Variants in PLCH2 observed in about 807,000 individuals in gnomAD.
PLCH2 encodes the protein 1-phosphatidylinositol 4,5-bisphosphate phosphodiesterase eta-2.
A neutral mutation model predicts 134.7 loss-of-function variants in PLCH2; 98 were observed. That is an observed-to-expected ratio of 0.73 (90% CI 0.62 to 0.86). The LOEUF is 0.86. PLCH2 is among the 40% of genes least tolerant of loss of function. The pLI is 0.00. For synonymous variants in PLCH2, 974 were observed against 827.5 expected (o/e 1.18, Z -3.04); for missense variants, 1,994 against 1,986.6 (o/e 1.00, Z -0.07).
At chr1:2,459,664 G>GGTGGTCTT (rs1557970532) in intron 2 of PLCH2, among the ~76,000 whole-genome samples, 4 of 19,978 alleles carry the variant, frequency 2.0e-4, no homozygotes, top group East Asian at 9.3e-4. Context: ...GGTCCTCCTT[G>GGTGGTCTT]CCTGTGGTCT....
chr1:2,446,288 C>T (rs932695794), intron 2 of PLCH2, among the ~76,000 whole-genome samples: 1 of 152,262 alleles, frequency 6.6e-6, no homozygotes, highest in Non-Finnish European at 1.5e-5. Flanking sequence ...GCACAAGTGG[C>T]CCTGGATTCT....
chr1:2,497,392 G>A, intron 15 of PLCH2, 110 bp from the exon 16 acceptor site: 1 of 732,312 alleles, frequency 1.4e-6, no homozygotes, highest in Non-Finnish European at 2.4e-6. Context: ...GGGGCAGACG[G>A]CAGATACGCG....
chr1:2,450,165 C>T (rs1211703168), intron 2 of PLCH2, among the ~76,000 whole-genome samples: 1 of 152,204 alleles, frequency 6.6e-6, no homozygotes, highest in Non-Finnish European at 1.5e-5. Flanking sequence ...TTGCTGTCCC[C>T]TTCTTGGCTG....
At chr1:2,447,279 GCT>G (rs1639986418) in intron 2 of PLCH2, among the ~76,000 whole-genome samples, 2 of 152,150 alleles carry the variant, frequency 1.3e-5, no homozygotes, top group Admixed American at 1.3e-4. Context: ...AGGCCCATTT[GCT>G]CACCTCACCC....
chr1:2,443,846 AGCCCGAGCCCGAGCCCGGCCGCTGACTGC>A (rs1639808230), intron 2 of PLCH2, among the ~76,000 whole-genome samples: 1 of 149,112 alleles, frequency 6.7e-6, no homozygotes, highest in Non-Finnish European at 1.5e-5. Flanking sequence ...CCGGAGCCCC[AGCCCGAGCCCGAGCCCGGCCGCTGACTGC>A]GCCTCCCGGC....
chr1:2,493,349 A>C (rs1642699275), intron 11 of PLCH2: 1 of 152,232 alleles, frequency 6.6e-6, no homozygotes, highest in African/African-American at 2.4e-5. Context: ...GACCGGCTCC[A>C]GGCGCACTGT....
chr1:2,494,527 G>C (rs1558022004), intron 11 of PLCH2: 1 of 441,074 alleles, frequency 2.3e-6, no homozygotes, highest in Non-Finnish European at 4.2e-6. Context: ...GTCACCACTG[G>C]TGGGAAAAAA....
chr1:2,437,376 A>C (rs1471435936), intron 2 of PLCH2, among the ~76,000 whole-genome samples: 1 of 152,156 alleles, frequency 6.6e-6, no homozygotes, highest in Non-Finnish European at 1.5e-5. Flanking sequence ...TCCTCTGGCC[A>C]GCTGGACAGC....
At position 2,484,580 on chromosome 1, in the gene PLCH2, G is replaced by A. The variant is rs752531008; in HGVS notation, c.778G>A (p.Ala260Thr). The change falls in exon 5 of 22, where the codon GCC (alanine) becomes ACC (threonine). Residue 260 changes from alanine to threonine, a missense_variant. By Grantham distance (58) the Ala-to-Thr change is moderately conservative. Transcript: ENST00000378486. ...TYSNHKDHLD[A>T]ASLQRFLQVE... ...CAGCAACCACAAGGACCACCTGGATGCCGCCAGCCTGCAGCGCTTCCTGCA... is the reference window on the plus strand; with the variant it reads ...CAGCAACCACAAGGACCACCTGGATACCGCCAGCCTGCAGCGCTTCCTGCA... The A allele has an allele frequency of 3.7e-6, 6 of 1,612,664 alleles. No homozygotes were observed. Among genetic ancestry groups the A allele is most frequent in the African/African-American group, 1.3e-5 (1 of 74,916 alleles).
upstream of PLCH2, among the ~76,000 whole-genome samples, chr1:2,473,372 G>C (rs920418772): frequency 6.6e-6 from 1 of 152,204 alleles, no homozygotes; most frequent in Non-Finnish European, 1.5e-5. Flanking sequence ...ATTCCTCTGC[G>C]TGTCACCGTG....
upstream of PLCH2, among the ~76,000 whole-genome samples, chr1:2,422,391 T>C (rs116468943): frequency 0.017 from 2,526 of 152,358 alleles, 67 homozygotes; most frequent in African/African-American, 0.058. Context: ...GACGTGGCTT[T>C]GCAGTTTTGC....
the PLCH2 span, among the ~76,000 whole-genome samples, chr1:2,416,868 G>A: frequency 6.6e-6 from 1 of 152,180 alleles, no homozygotes; most frequent in African/African-American, 2.4e-5. Flanking sequence ...TGTGTTGGCC[G>A]GGGACCAGCA....
intron 2 of PLCH2, among the ~76,000 whole-genome samples, chr1:2,432,210 G>A (rs974683519): frequency 2.0e-5 from 3 of 152,246 alleles, no homozygotes; most frequent in Admixed American, 1.3e-4. Context: ...CCTGGCTGCC[G>A]ACTCTCTCAT....
chr1:2,436,831 C>T lies in PLCH2; in HGVS notation c.115+6202C>T, dbSNP rs534202495. Among the ~76,000 whole-genome samples, 208 of 152,358 alleles carry T rather than the reference C, an allele frequency of 1.4e-3. 2 individuals carry two copies. Among genetic ancestry groups the T allele is most frequent in the African/African-American group, 4.7e-3 (197 of 41,584 alleles). ...GTCTGGTGAAGAGGGCAGGGTTGGT[C>T]TTCCTGGGCCAGGGTAGGTGGGGAC... On this transcript the variant is annotated intron_variant, in intron 2 of 3. Coordinates refer to the PLCH2 transcript ENST00000609981.
intron 1 of PLCH2, among the ~76,000 whole-genome samples, chr1:2,428,924 G>A (rs1638935600): frequency 6.6e-6 from 1 of 152,246 alleles, no homozygotes; most frequent in Non-Finnish European, 1.5e-5. Flanking sequence ...CTGGTCGAGA[G>A]CGAGCTGGGA....
chr1:2,478,966 T>G (rs970142365), intron 2 of PLCH2: 1 of 316,236 alleles, frequency 3.2e-6, no homozygotes. Flanking sequence ...CACAGAGGTA[T>G]GCTGATGGAT....
upstream of PLCH2, among the ~76,000 whole-genome samples, chr1:2,462,588 A>G (rs950669276): frequency 2.6e-5 from 4 of 151,972 alleles, no homozygotes; most frequent in Admixed American, 2.6e-4. Flanking sequence ...GCCCGTGGTC[A>G]GTCTGGCCAG....
chr1:2,479,840 C>T lies in PLCH2; in HGVS notation c.378C>T (p.His126=), dbSNP rs185066621. ...CCAACTGCTGCTTCAGCATCTACCA[C>T]GGCAGCCACCGCGAGTCGCTGGACC... ...FDPNCCFSIY[H]GSHRESLDLV... The change falls in exon 3 of 22, where the codon CAC becomes CAT. Residue 126 remains histidine (H), a synonymous_variant. Transcript: ENST00000378486. The T allele has an allele frequency of 6.9e-4, 1,112 of 1,609,320 alleles. 7 individuals carry two copies. The African/African-American group carries it at 0.012, about 18-fold the overall frequency.
At chr1:2,436,341 A>C (rs1427532314) in intron 2 of PLCH2, among the ~76,000 whole-genome samples, 25 of 1,490 alleles carry the variant, frequency 0.017, 3 homozygotes, top group East Asian at 0.087. Context: ...TCCTCCCTCC[A>C]CCTTTCCTCC....
Sources: gnomAD v4.1 joint callset for allele counts (sites outside exome capture counted in the v4.1 genomes callset) on GRCh38, gnomAD v4.1.1 for gene constraint, MANE v1.5 for transcripts, NCBI Gene and HGNC (gene_info 2026-07-23, HGNC 2026-07-21) for gene names.